CHSY3: variants seen among roughly 807,000 people sequenced by gnomAD.
CHSY3 encodes N-acetylgalactosaminyl-proteoglycan 3-beta-glucuronosyltransferase 3.
CHSY3 carries 35 observed loss-of-function variants against 67.2 expected under a neutral mutation model. The ratio of observed to expected loss-of-function variants is 0.52; its 90% confidence interval spans 0.40 to 0.69. The LOEUF (loss-of-function observed/expected upper bound fraction) is 0.69. Ranked by LOEUF, CHSY3 falls within the 30% of genes least tolerant of loss-of-function variation. The pLI is 0.00. For missense variants in CHSY3, 1,069 were observed against 1,138.5 expected (o/e 0.94, Z 0.88); for synonymous variants, 474 against 434.7 (o/e 1.09, Z -1.12).
intron 2 of CHSY3, among the ~76,000 whole-genome samples, chr5:129,994,206 C>G (rs904736682): frequency 1.1e-4 from 16 of 152,036 alleles, no homozygotes; most frequent in African/African-American, 3.9e-4. Context: ...TTGCTCTTCT[C>G]GAGGAGTGTC....
intron 2 of CHSY3, among the ~76,000 whole-genome samples, chr5:130,008,174 A>G (rs1405672059): frequency 6.6e-6 from 1 of 152,200 alleles, no homozygotes; most frequent in Non-Finnish European, 1.5e-5. Context: ...ACATACATGT[A>G]CATGGACTCA....
rs1236559389 is a variant in CHSY3 at position 130,055,065 on chromosome 5, T to G, written c.1087-129164T>G. On this transcript the variant is annotated intron_variant, in intron 2 of 2. Transcript: ENST00000305031. ...AATCTTGTATCACTACTCTTCACCC[T>G]GTGGGGAGTGTGTCTGGCTGTGGGT... Among the ~76,000 whole-genome samples, 77 of 152,280 alleles carry G rather than the reference T, an allele frequency of 5.1e-4. 1 individual carries two copies. The highest frequency in any genetic ancestry group is 1.0e-4 in the Non-Finnish European group (7 of 68,028).
chr5:130,172,320 CTTTTCTTT>C (rs1769919014), intron 2 of CHSY3, among the ~76,000 whole-genome samples: 1 of 4,104 alleles, frequency 2.4e-4, no homozygotes, highest in African/African-American at 5.6e-4. Context: ...CTTTTCTTTT[CTTTTCTTT>C]TTTTTTTTTT....
rs140342798 is a variant in CHSY3 at position 130,118,243 on chromosome 5, A to G, written c.1087-65986A>G. The stretch of plus-strand genomic sequence containing the variant: ...TGTATTTCATTTCAGGGAGGTAAGA[A>G]TGGACTAAGAGAATTAGTAACTAAT... On this transcript the variant is annotated intron_variant, in intron 2 of 2. Coordinates refer to ENST00000305031, the MANE Select transcript of CHSY3 (RefSeq NM_175856.5). Among the ~76,000 whole-genome samples the G allele has an allele frequency of 1.7e-3, 264 of 152,322 alleles. 1 individual carries two copies. Among genetic ancestry groups the G allele is most frequent in the African/African-American group, 6.2e-3 (256 of 41,568 alleles).
intron 2 of CHSY3, among the ~76,000 whole-genome samples, chr5:130,120,907 T>TG (rs1408766998): frequency 6.6e-6 from 1 of 152,158 alleles, no homozygotes; most frequent in Non-Finnish European, 1.5e-5. Context: ...TCTAGGTATG[T>TG]GGGATGGACC....
chr5:130,001,939 T>C (rs1229613704), intron 2 of CHSY3: 1 of 840,662 alleles, frequency 1.2e-6, no homozygotes, highest in Non-Finnish European at 1.4e-6. Context: ...CTTTAAGATG[T>C]TAATTAATAT....
rs146872008 is a variant in CHSY3 at position 129,978,496 on chromosome 5, G to A, written c.1086+70136G>A. On this transcript the variant is annotated intron_variant, in intron 2 of 2. Coordinates refer to ENST00000305031, the MANE Select transcript of CHSY3 (RefSeq NM_175856.5). ...TTTTGAATGCTCTTACAATTAATAT[G>A]CAGTTTAACAGAACTTTGAACACCT... Among the ~76,000 whole-genome samples the A allele has an allele frequency of 8.5e-5, 13 of 152,154 alleles. No homozygotes were observed. In the East Asian group the frequency reaches 2.5e-3, roughly 29 times the overall value.
At chr5:130,016,752 G>A (rs1468754685) in intron 2 of CHSY3, among the ~76,000 whole-genome samples, 1 of 152,180 alleles carries the variant, frequency 6.6e-6, no homozygotes, top group Non-Finnish European at 1.5e-5. Flanking sequence ...TCCCTAAAAT[G>A]TCTGAAGTAT....
chr5:129,944,350 T>C (rs920069673), intron 2 of CHSY3, among the ~76,000 whole-genome samples: 1 of 152,126 alleles, frequency 6.6e-6, no homozygotes. Context: ...TAGATGGTCT[T>C]ATAAATTGCC....
chr5:130,032,668 A>G (rs1764736060), intron 2 of CHSY3, among the ~76,000 whole-genome samples: 1 of 152,134 alleles, frequency 6.6e-6, no homozygotes, highest in African/African-American at 2.4e-5. Flanking sequence ...CTGAGGGCAT[A>G]AAATGAGTAC....
chr5:130,022,084 A>G (rs1764409886), intron 2 of CHSY3, among the ~76,000 whole-genome samples: 2 of 152,072 alleles, frequency 1.3e-5, no homozygotes, highest in Admixed American at 1.3e-4. Context: ...TTGCTTTTTG[A>G]AATACCCTCC....
chr5:130,115,910 G>A (rs1324162646), intron 2 of CHSY3, among the ~76,000 whole-genome samples: 7 of 152,184 alleles, frequency 4.6e-5, no homozygotes, highest in Non-Finnish European at 1.5e-5. Context: ...CCTGGAGTCT[G>A]ACTGAGCTCA....
intron 2 of CHSY3, among the ~76,000 whole-genome samples, chr5:130,058,765 C>A (rs1765617168): frequency 6.6e-6 from 1 of 152,186 alleles, no homozygotes; most frequent in Non-Finnish European, 1.5e-5. Flanking sequence ...GAAATATGTT[C>A]TCTTATTCTT....
chr5:130,185,326 C>G lies in CHSY3; in HGVS notation c.2184C>G (p.Leu728=), dbSNP rs974969471. 6.2e-7 allele frequency: 1 copy of G among 1,610,512 alleles called. No individual in the cohort carries two copies. Among genetic ancestry groups the G allele is most frequent in the Non-Finnish European group, 8.5e-7 (1 of 1,176,874 alleles). ...DVDLIFREDF[L]QRCRDNTIQG... is the part of the protein sequence containing the mutation. ...ACTTGATCTTCAGAGAAGATTTTCT[C>G]CAACGATGTAGAGACAATACAATTC... is the stretch of plus-strand genomic sequence containing the variant. Residue 728 remains leucine, a synonymous_variant, in exon 3 of 3, where the codon CTC becomes CTG. Coordinates refer to ENST00000305031, the MANE Select transcript of CHSY3 (RefSeq NM_175856.5).
chr5:129,920,479 C>A (rs1443779873), intron 2 of CHSY3, among the ~76,000 whole-genome samples: 2 of 152,128 alleles, frequency 1.3e-5, no homozygotes, highest in African/African-American at 4.8e-5. Flanking sequence ...CTCCTGATCT[C>A]GTGATCCACC....
rs149118915 is a variant in CHSY3 at position 129,959,443 on chromosome 5, A to C, written c.1086+51083A>C. The stretch of plus-strand genomic sequence containing the variant: ...TCTTGAAATTTGGATGTTATGAATA[A>C]AAAATTTGAAAACAAGGACTCTCTT... On this transcript the variant is annotated intron_variant, in intron 2 of 2. Coordinates refer to ENST00000305031, the MANE Select transcript of CHSY3 (RefSeq NM_175856.5). Among the ~76,000 whole-genome samples the C allele has an allele frequency of 3.3e-5, 5 of 152,262 alleles. No individual in the cohort carries two copies. The East Asian group carries it at 9.7e-4, about 29-fold the overall frequency.
intron 2 of CHSY3, among the ~76,000 whole-genome samples, chr5:129,931,481 T>C (rs1761306387): frequency 6.6e-6 from 1 of 152,208 alleles, no homozygotes; most frequent in East Asian, 1.9e-4. Context: ...TCTATAGATA[T>C]TTGAATAGAT....
At chr5:129,932,103 CATATATATATATATATATATATATAT>C (rs33960181) in intron 2 of CHSY3, among the ~76,000 whole-genome samples, 7 of 115,024 alleles carry the variant, frequency 6.1e-5, no homozygotes, top group African/African-American at 2.3e-4. Context: ...ACCATAAAAC[CATATATATATATATATATATATATAT>C]ATATATATAT....
intron 2 of CHSY3, among the ~76,000 whole-genome samples, chr5:129,983,398 T>A (rs991277257): frequency 1.3e-5 from 2 of 152,092 alleles, no homozygotes; most frequent in Non-Finnish European, 2.9e-5. Context: ...TTGTCAACAT[T>A]CCTTATGGTA....
Sources: gnomAD v4.1 joint callset for allele counts (sites outside exome capture counted in the v4.1 genomes callset) on GRCh38, gnomAD v4.1.1 for gene constraint, MANE v1.5 for transcripts, NCBI Gene and HGNC (gene_info 2026-07-23, HGNC 2026-07-21) for gene names.